Variants in MLXIPL observed in about 807,000 individuals in gnomAD.
The protein encoded by MLXIPL is carbohydrate-responsive element-binding protein.
Under a neutral mutation model 81.5 loss-of-function variants are expected in MLXIPL, and 49 were observed. The observed-to-expected ratio is 0.60, with a 90% confidence interval of 0.48 to 0.76. The LOEUF (loss-of-function observed/expected upper bound fraction) is 0.76, where lower values mean the gene tolerates loss of function less well. Ranked by LOEUF, MLXIPL falls within the 30% of genes least tolerant of loss-of-function variation. The pLI, the probability that MLXIPL is intolerant of heterozygous loss-of-function variation, is 0.00. For synonymous variants in MLXIPL, 466 were observed against 485.5 expected (o/e 0.96, Z 0.53); for missense variants, 1,053 against 1,167.0 (o/e 0.90, Z 1.42).
chr7:73,617,935 G>C (rs7798357), intron 1 of MLXIPL, among the ~76,000 whole-genome samples: 41,614 of 152,054 alleles, frequency 0.27, 5,984 homozygotes, highest in African/African-American at 0.35. Flanking sequence ...AGGAAGCTGA[G>C]CCAGGAGGCC....
At chr7:73,641,632 CT>C in the MLXIPL span, among the ~76,000 whole-genome samples, 1 of 151,960 alleles carries the variant, frequency 6.6e-6, no homozygotes, top group Non-Finnish European at 1.5e-5. Context: ...AATTCTGACA[CT>C]TTTTTTTGTT....
Position 73,623,199 on chromosome 7 carries a change from C to G in MLXIPL, c.293+1001G>C, listed in dbSNP as rs72649056. Among the ~76,000 whole-genome samples, 736 of 152,322 alleles carry G rather than the reference C, an allele frequency of 4.8e-3. 2 individuals carry two copies. Among genetic ancestry groups the G allele is most frequent in the Non-Finnish European group, 7.4e-3 (506 of 68,024 alleles). On this transcript the variant is annotated intron_variant, in intron 1 of 16. Coordinates refer to ENST00000313375, the MANE Select transcript of MLXIPL (RefSeq NM_032951.3). The surrounding 1 kb of genome is among the most constrained non-coding windows in gnomAD (Gnocchi z 5.7). Reference sequence around the variant, plus strand: ...GTCCCCACCCCAGCTCCTGCTCCCCCGCAGGGCGGCAGGTGCCGATCTGTA... The same window carrying G: ...GTCCCCACCCCAGCTCCTGCTCCCCGGCAGGGCGGCAGGTGCCGATCTGTA...
At chr7:73,645,269 C>G in the MLXIPL span, among the ~76,000 whole-genome samples, 1 of 152,206 alleles carries the variant, frequency 6.6e-6, no homozygotes, top group Admixed American at 6.5e-5. Context: ...CTCAAGCAAC[C>G]CTCCCACTTT....
At position 73,596,310 on chromosome 7, in the gene MLXIPL, C is replaced by A; in HGVS notation, c.1939-38G>T. 6.2e-7 allele frequency: 1 copy of A among 1,612,692 alleles called. No individual in the cohort carries two copies. Among genetic ancestry groups the A allele is most frequent in the South Asian group, 1.1e-5 (1 of 91,028 alleles). On this transcript the variant is annotated intron_variant, in intron 12 of 16. Coordinates refer to ENST00000313375, the MANE Select transcript of MLXIPL (RefSeq NM_032951.3). This position sits in a 1 kb window ranked among gnomAD's most constrained non-coding sequence, Gnocchi z 4.7. ...AGAGTTGGGTGAGCCTAGGAAGGAG[C>A]CCAGGAGGGCCTGGGGGTAGCAAAC... is the stretch of plus-strand genomic sequence containing the variant.
intron 7 of MLXIPL, among the ~76,000 whole-genome samples, chr7:73,600,428 G>T (rs1228050838): frequency 5.6e-5 from 3 of 53,936 alleles, no homozygotes; most frequent in Admixed American, 2.3e-4. Flanking sequence ...GGCAAGAGGG[G>T]CTAAGGGTGG....
At position 73,596,023 on chromosome 7, in the gene MLXIPL, C is replaced by T; in HGVS notation, c.2059-54G>A. The T allele has an allele frequency of 2.5e-6, 4 of 1,607,552 alleles. No individual in the cohort carries two copies. The highest frequency in any genetic ancestry group is 4.5e-5 in the East Asian group (2 of 44,804). ...AGGTGCTAGAGGCTGTACCCTGGGACCCACTGAGGCACTGGGATGGGAGGA... is the reference window on the plus strand; with the variant it reads ...AGGTGCTAGAGGCTGTACCCTGGGATCCACTGAGGCACTGGGATGGGAGGA... On this transcript the variant is annotated intron_variant, in intron 13 of 16. Coordinates refer to ENST00000313375, the MANE Select transcript of MLXIPL (RefSeq NM_032951.3). The surrounding 1 kb of genome is among the most constrained non-coding windows in gnomAD (Gnocchi z 4.7).
At chr7:73,627,690 C>T (rs1022520146), upstream of MLXIPL, among the ~76,000 whole-genome samples, 9 of 152,122 alleles carry the variant, frequency 5.9e-5, no homozygotes, top group African/African-American at 2.2e-4. Flanking sequence ...CATCTCTGAA[C>T]CCCCACACTG....
intron 1 of MLXIPL, among the ~76,000 whole-genome samples, chr7:73,619,054 TGGCTC>T (rs1796162935): frequency 1.3e-5 from 2 of 152,180 alleles, no homozygotes; most frequent in Admixed American, 6.6e-5. Context: ...TGGCTGGGGA[TGGCTC>T]ACACCTGTAA....
intron 1 of MLXIPL, among the ~76,000 whole-genome samples, chr7:73,622,355 G>A (rs184155023): frequency 6.6e-6 from 1 of 152,030 alleles, no homozygotes; most frequent in African/African-American, 2.4e-5. Context: ...AGCTGGAGGT[G>A]GTGGGCGCCT....
At chr7:73,606,926 T>TG (rs782651505) in intron 5 of MLXIPL, 48 bp downstream of exon 5, 7 of 1,602,568 alleles carry the variant, frequency 4.4e-6, no homozygotes, top group Admixed American at 1.7e-5. Flanking sequence ...CCCATCTACT[T>TG]GGGGGGCAAA....
rs1210357462 is a variant in MLXIPL, at chr7:73,596,574, C to T, written c.1822+65G>A. ...CTCATCTGGCCCCAGACCCAGTCCC[C>T]TTCTTCTTCCTCCTCTTCCCCTCAT... On this transcript the variant is annotated intron_variant, in intron 11 of 16. Transcript: ENST00000313375. The surrounding 1 kb of genome is among the most constrained non-coding windows in gnomAD (Gnocchi z 4.7). 7 of 1,599,440 alleles carry T rather than the reference C, an allele frequency of 4.4e-6. No individual in the cohort carries two copies. Among genetic ancestry groups the T allele is most frequent in the African/African-American group, 2.7e-5 (2 of 74,566 alleles).
chr7:73,611,124 C>T (rs1273875206), intron 2 of MLXIPL: 2 of 151,962 alleles, frequency 1.3e-5, no homozygotes, highest in African/African-American at 4.8e-5. Flanking sequence ...ACATCCGGCC[C>T]TTCTGGTCTT....
the MLXIPL span, among the ~76,000 whole-genome samples, chr7:73,638,617 G>A: frequency 6.6e-6 from 1 of 151,166 alleles, no homozygotes; most frequent in African/African-American, 2.4e-5. Flanking sequence ...CAGTACTTTT[G>A]TTTGTTTGTT....
intron 2 of MLXIPL, chr7:73,609,554 TTGTG>T (rs34460340): frequency 4.9e-4 from 71 of 145,592 alleles, no homozygotes; most frequent in South Asian, 2.0e-3. Context: ...CCTGGCCGCT[TTGTG>T]TGTGTGTGTG....
chr7:73,647,141 G>A, the MLXIPL span, among the ~76,000 whole-genome samples: 1 of 152,132 alleles, frequency 6.6e-6, no homozygotes, highest in Non-Finnish European at 1.5e-5. Flanking sequence ...CCCAGAGGTG[G>A]GGGCAGGGTG....
chr7:73,614,979 T>G (rs1326821035), intron 2 of MLXIPL, among the ~76,000 whole-genome samples: 5 of 152,106 alleles, frequency 3.3e-5, no homozygotes, highest in Non-Finnish European at 7.4e-5. Flanking sequence ...CCCAGCTAAT[T>G]TTTTGTATTT....
intron 1 of MLXIPL, among the ~76,000 whole-genome samples, chr7:73,621,792 CATCT>C (rs1796385648): frequency 9.5e-6 from 1 of 105,310 alleles, no homozygotes; most frequent in Non-Finnish European, 2.0e-5. Flanking sequence ...TCCCTCCCTC[CATCT>C]CCTTCCCTCT....
upstream of MLXIPL, among the ~76,000 whole-genome samples, chr7:73,628,935 C>A (rs184998910): frequency 6.6e-6 from 1 of 152,346 alleles, no homozygotes; most frequent in East Asian, 1.9e-4. Context: ...CTTCACCCAG[C>A]CTGCCCTTCC....
intron 1 of MLXIPL, among the ~76,000 whole-genome samples, chr7:73,619,635 A>G (rs1476326513): frequency 1.4e-5 from 2 of 145,138 alleles, no homozygotes; most frequent in Non-Finnish European, 3.0e-5. Context: ...ACTCATAAAA[A>G]ACAAGTAAAT....
Sources: allele counts gnomAD v4.1 joint callset (sites outside exome capture counted in the v4.1 genomes callset), GRCh38; gene constraint gnomAD v4.1.1; non-coding constraint Gnocchi (gnomAD v3.1); transcripts MANE v1.5; gene names NCBI Gene and HGNC (gene_info 2026-07-23, HGNC 2026-07-21).